The following CSMD1 variants were observed in gnomAD, a reference collection of about 807,000 sequenced individuals.
CSMD1 encodes CUB and sushi domain-containing protein 1.
Under a neutral mutation model 417.5 loss-of-function variants are expected in CSMD1, and 213 were observed. That is an observed-to-expected ratio of 0.51 (90% confidence interval 0.46 to 0.57). The LOEUF is 0.57. CSMD1 is among the 20% of genes least tolerant of loss of function. The pLI is 0.00. For synonymous variants in CSMD1, 2,862 were observed against 1,736.8 expected (o/e 1.65, Z -16.11); for missense variants, 6,923 against 4,529.7 (o/e 1.53, Z -15.17).
intron 5 of CSMD1, among the ~76,000 whole-genome samples, chr8:3,758,780 G>C (rs979628638): frequency 1.3e-5 from 2 of 152,202 alleles, no homozygotes; most frequent in Non-Finnish European, 2.9e-5. Context: ...TGTGTCACCT[G>C]ACATGGCTCA....
chr8:3,272,524 T>A (rs1029451567), intron 26 of CSMD1, among the ~76,000 whole-genome samples: 2 of 140,790 alleles, frequency 1.4e-5, no homozygotes, highest in African/African-American at 5.4e-5. Flanking sequence ...CTTTGGGCAG[T>A]ATGGCCATTT....
intron 8 of CSMD1, among the ~76,000 whole-genome samples, chr8:3,616,173 A>G (rs920904780): frequency 1.6e-4 from 24 of 152,106 alleles, no homozygotes; most frequent in African/African-American, 5.6e-4. Context: ...CCCCACGCAA[A>G]TCTCATCTGG....
intron 3 of CSMD1, among the ~76,000 whole-genome samples, chr8:4,142,176 G>A: frequency 6.6e-6 from 1 of 151,122 alleles, no homozygotes. Context: ...ATACCATCAT[G>A]ACTCAAGATA....
At chr8:4,550,725 A>G (rs753420621) in intron 2 of CSMD1, among the ~76,000 whole-genome samples, 1 of 152,182 alleles carries the variant, frequency 6.6e-6, no homozygotes, top group Non-Finnish European at 1.5e-5. Flanking sequence ...ACAGTGTCAC[A>G]TGTTTAAAAT....
At chr8:4,443,323 G>A (rs868742493) in intron 2 of CSMD1, among the ~76,000 whole-genome samples, 6 of 152,276 alleles carry the variant, frequency 3.9e-5, no homozygotes, top group African/African-American at 1.4e-4. Flanking sequence ...TTATTTTAGA[G>A]AAAGTCTACC....
chr8:3,958,923 G>C (rs1318153084), intron 5 of CSMD1, among the ~76,000 whole-genome samples: 1 of 152,160 alleles, frequency 6.6e-6, no homozygotes, highest in African/African-American at 2.4e-5. Flanking sequence ...ACAATCATTT[G>C]TGCAACTCAC....
At chr8:4,977,539 G>A (rs75841143) in intron 1 of CSMD1, among the ~76,000 whole-genome samples, 3 of 152,184 alleles carry the variant, frequency 2.0e-5, no homozygotes, top group Non-Finnish European at 2.9e-5. Context: ...CCCTTTGAGA[G>A]GGAACACAGC....
chr8:4,437,685 A>C (rs1290584946), intron 2 of CSMD1, among the ~76,000 whole-genome samples: 3 of 152,126 alleles, frequency 2.0e-5, no homozygotes, highest in Non-Finnish European at 4.4e-5. Context: ...TATTTATAAG[A>C]CCTTTAGCAT....
rs561051540 is a variant in CSMD1 at position 4,028,746 on chromosome 8, G to C, written c.610+3159C>G. On this transcript the variant is annotated intron_variant, in intron 4 of 69. Transcript: ENST00000635120. ...ATGAGTGTTAATAATTATTACATTA[G>C]TGCTTGTTGTGAGAGTTAAATGGTA... Among the ~76,000 whole-genome samples, 5 of 152,238 alleles carry C rather than the reference G, an allele frequency of 3.3e-5. No individual in the cohort carries two copies. The Middle Eastern group carries it at 0.01, about 311-fold the overall frequency.
At chr8:4,337,274 C>T (rs137960783) in intron 3 of CSMD1, among the ~76,000 whole-genome samples, 8 of 152,198 alleles carry the variant, frequency 5.3e-5, no homozygotes, top group African/African-American at 1.9e-4. Context: ...CAACTAAATG[C>T]TTAATTTCTG....
At chr8:4,376,666 C>G (rs1009365248) in intron 3 of CSMD1, among the ~76,000 whole-genome samples, 2 of 152,176 alleles carry the variant, frequency 1.3e-5, no homozygotes, top group Admixed American at 6.5e-5. Context: ...GTGCTCATAT[C>G]ACACCGTTGT....
chr8:4,139,547 G>C (rs1009998337), intron 3 of CSMD1, among the ~76,000 whole-genome samples: 1 of 151,050 alleles, frequency 6.6e-6, no homozygotes, highest in Non-Finnish European at 1.5e-5. Flanking sequence ...CATCCTGCAC[G>C]ACGATCTGCA....
intron 1 of CSMD1, among the ~76,000 whole-genome samples, chr8:4,752,378 A>G (rs975551142): frequency 6.6e-6 from 1 of 152,224 alleles, no homozygotes; most frequent in Non-Finnish European, 1.5e-5. Flanking sequence ...TAGATGAAAC[A>G]AAAGCTCTGA....
chr8:3,646,919 AC>A (rs1162119366), intron 7 of CSMD1, among the ~76,000 whole-genome samples: 1 of 152,130 alleles, frequency 6.6e-6, no homozygotes, highest in East Asian at 1.9e-4. Flanking sequence ...TAGGGCAGAT[AC>A]AAAAAAAATT....
intron 7 of CSMD1, among the ~76,000 whole-genome samples, chr8:3,659,256 G>C (rs1157988064): frequency 6.6e-6 from 1 of 152,142 alleles, no homozygotes; most frequent in African/African-American, 2.4e-5. Context: ...ATGAGAACAT[G>C]ATAACAAAGA....
chr8:4,068,121 C>A (rs755886462), intron 3 of CSMD1, among the ~76,000 whole-genome samples: 10 of 152,080 alleles, frequency 6.6e-5, no homozygotes, highest in Non-Finnish European at 8.8e-5. Context: ...CAGTGAGTGT[C>A]TTCTTGCAGA....
intron 10 of CSMD1, among the ~76,000 whole-genome samples, chr8:3,494,560 A>G (rs1239162478): frequency 2.3e-5 from 1 of 43,288 alleles, no homozygotes; most frequent in African/African-American, 7.8e-5. Flanking sequence ...TAGATGATAG[A>G]TAGATAGATA....
chr8:3,210,332 A>C (rs1797529528), intron 30 of CSMD1, among the ~76,000 whole-genome samples: 1 of 152,080 alleles, frequency 6.6e-6, no homozygotes, highest in African/African-American at 2.4e-5. Flanking sequence ...TTTGATGACT[A>C]GTAAAATAAA....
intron 3 of CSMD1, among the ~76,000 whole-genome samples, chr8:4,244,644 G>T (rs984879141): frequency 6.6e-6 from 1 of 151,834 alleles, no homozygotes; most frequent in Admixed American, 6.6e-5. Context: ...CTTCAAAACT[G>T]ATCCAAGTTA....
Sources: allele counts gnomAD v4.1 joint callset (sites outside exome capture counted in the v4.1 genomes callset), GRCh38; gene constraint gnomAD v4.1.1; transcripts MANE v1.5; gene names NCBI Gene and HGNC (gene_info 2026-07-23, HGNC 2026-07-21).